CPE: variants seen among roughly 807,000 people sequenced by gnomAD.
The protein encoded by CPE is carbocypeptidase E.
In CPE, 17 loss-of-function variants were observed where a neutral mutation model predicts 53.5. That is an observed-to-expected ratio of 0.32 (90% confidence interval 0.22 to 0.48). The LOEUF (loss-of-function observed/expected upper bound fraction) is 0.48, where lower values mean the gene tolerates loss of function less well. Among genes scored for constraint, CPE ranks in the 20% least tolerant of loss-of-function variants. The pLI, the probability that CPE is intolerant of heterozygous loss-of-function variation, is 0.99. For synonymous variants in CPE, 226 were observed against 228.8 expected (o/e 0.99, Z 0.11); for missense variants, 524 against 614.7 (o/e 0.85, Z 1.56).
intron 1 of CPE, among the ~76,000 whole-genome samples, chr4:165,447,700 C>G (rs771888472): frequency 6.6e-6 from 1 of 152,124 alleles, no homozygotes. Flanking sequence ...TTTGTAATCA[C>G]ACAGCTTAAA....
chr4:165,386,769 C>CATTT (rs1269851353), intron 1 of CPE, among the ~76,000 whole-genome samples: 3 of 152,138 alleles, frequency 2.0e-5, no homozygotes, highest in Admixed American at 6.5e-5. Flanking sequence ...AATTGGTAAG[C>CATTT]ATTTATTTAG....
At chr4:165,392,299 TATATA>T (rs1398780189) in intron 1 of CPE, among the ~76,000 whole-genome samples, 1 of 146,726 alleles carries the variant, frequency 6.8e-6, no homozygotes, top group East Asian at 1.9e-4. Flanking sequence ...ATCTATAATA[TATATA>T]ATATATCATG....
intron 1 of CPE, among the ~76,000 whole-genome samples, chr4:165,397,734 G>T (rs1039180869): frequency 6.6e-6 from 1 of 151,998 alleles, no homozygotes; most frequent in Non-Finnish European, 1.5e-5. Context: ...ACTTAAAAAT[G>T]GAGCTGTATT....
At chr4:165,380,362 A>G (rs1730487760) in intron 1 of CPE, among the ~76,000 whole-genome samples, 1 of 152,194 alleles carries the variant, frequency 6.6e-6, no homozygotes, top group South Asian at 2.1e-4. Flanking sequence ...CCAAATAACC[A>G]TCTGTATTCG....
chr4:165,492,560 G>A (rs1291512695), intron 6 of CPE, among the ~76,000 whole-genome samples: 14 of 152,136 alleles, frequency 9.2e-5, no homozygotes, highest in Admixed American at 9.2e-4. Flanking sequence ...CTCCCTGAGT[G>A]AGCAATTCCT....
intron 1 of CPE, among the ~76,000 whole-genome samples, chr4:165,398,705 G>A (rs192170047): frequency 6.3e-4 from 96 of 152,276 alleles, no homozygotes; most frequent in Admixed American, 1.3e-3. Context: ...TGAAGTAGGT[G>A]TTGCCATGGT....
chr4:165,389,298 AT>A (rs1162670466), intron 1 of CPE, among the ~76,000 whole-genome samples: 1 of 152,178 alleles, frequency 6.6e-6, no homozygotes, highest in Admixed American at 6.5e-5. Context: ...AACTATTTAT[AT>A]TTATAGATTT....
At chr4:165,486,529 C>T (rs1732508007) in intron 5 of CPE, among the ~76,000 whole-genome samples, 1 of 152,122 alleles carries the variant, frequency 6.6e-6, no homozygotes, top group Non-Finnish European at 1.5e-5. Context: ...ACCTGCCTCC[C>T]CATTTTGGTT....
At chr4:165,467,899 A>G (rs750582097) in intron 3 of CPE, 44 bp downstream of exon 3, 16 of 1,590,024 alleles carry the variant, frequency 1.0e-5, no homozygotes, top group Non-Finnish European at 1.4e-5. Context: ...CTCTAGCCTA[A>G]GGAAATATGT....
At chr4:165,381,282 T>G (rs1172398481) in intron 1 of CPE, 1 of 456,190 alleles carries the variant, frequency 2.2e-6, no homozygotes, top group Non-Finnish European at 4.4e-6. Flanking sequence ...TTCTTTTAGA[T>G]TGCAAGCTGT....
intron 1 of CPE, among the ~76,000 whole-genome samples, chr4:165,423,144 G>A (rs1731255135): frequency 6.6e-6 from 1 of 152,136 alleles, no homozygotes; most frequent in Non-Finnish European, 1.5e-5. Flanking sequence ...AGTGAGCAGA[G>A]GGATGACTTT....
At chr4:165,435,269 A>G (rs887086159) in intron 1 of CPE, among the ~76,000 whole-genome samples, 14 of 152,230 alleles carry the variant, frequency 9.2e-5, no homozygotes, top group African/African-American at 3.4e-4. Context: ...TACAGCCTCA[A>G]TGAAATGATA....
At chr4:165,393,088 C>A (rs1459405363) in intron 1 of CPE, among the ~76,000 whole-genome samples, 1 of 151,908 alleles carries the variant, frequency 6.6e-6, no homozygotes, top group African/African-American at 2.4e-5. Context: ...AGGCTAATTT[C>A]CAGCAGTTAA....
chr4:165,473,958 T>C (rs1484919964), intron 3 of CPE, among the ~76,000 whole-genome samples: 1 of 152,248 alleles, frequency 6.6e-6, no homozygotes, highest in Admixed American at 6.5e-5. Flanking sequence ...CCTTTGGCCC[T>C]CAGGGCATCC....
chr4:165,472,410 C>G (rs1732224349), intron 3 of CPE, among the ~76,000 whole-genome samples: 1 of 149,508 alleles, frequency 6.7e-6, no homozygotes, highest in South Asian at 2.1e-4. Context: ...GTCAAAGACA[C>G]AGTTGCCAAG....
At chr4:165,487,654 G>A (rs913802275) in intron 6 of CPE, 77 bp downstream of exon 6, 1 of 1,509,340 alleles carries the variant, frequency 6.6e-7, no homozygotes, top group Non-Finnish European at 9.1e-7. Flanking sequence ...TGTAAGAGGA[G>A]TCCAGGAGAA....
chr4:165,386,332 A>T, intron 1 of CPE: 1 of 478,728 alleles, frequency 2.1e-6, no homozygotes, highest in South Asian at 1.6e-5. Flanking sequence ...TATTTTGTTT[A>T]TATATATTTT....
At chr4:165,459,703 AG>A (rs1368172332) in intron 1 of CPE, among the ~76,000 whole-genome samples, 30 of 102,026 alleles carry the variant, frequency 2.9e-4, no homozygotes, top group Non-Finnish European at 5.2e-4. Context: ...TCATGAGGTC[AG>A]GAGGAGTTCG....
chr4:165,483,871 A>G (rs1732460199), intron 4 of CPE, among the ~76,000 whole-genome samples: 1 of 152,232 alleles, frequency 6.6e-6, no homozygotes, highest in Non-Finnish European at 1.5e-5. Flanking sequence ...CTTTGGGGAA[A>G]TAACATTGTT....
Sources: allele counts gnomAD v4.1 joint callset (sites outside exome capture counted in the v4.1 genomes callset), GRCh38; gene constraint gnomAD v4.1.1; transcripts MANE v1.5; gene names NCBI Gene and HGNC (gene_info 2026-07-23, HGNC 2026-07-21).